The following SERTM1 variants were observed in gnomAD, a reference collection of about 807,000 sequenced individuals.
SERTM1 encodes the protein serine-rich and transmembrane domain-containing protein 1.
A neutral mutation model predicts 5.5 loss-of-function variants in SERTM1; 1 was observed. The observed-to-expected ratio is 0.18, with a 90% CI of 0.06 to 0.86. The LOEUF is 0.86. Among genes scored for constraint, SERTM1 ranks in the 40% least tolerant of loss-of-function variants. The pLI, the probability that SERTM1 is intolerant of heterozygous loss-of-function variation, is 0.69. For missense variants in SERTM1, 91 were observed against 122.4 expected, an observed-to-expected ratio of 0.74 and a Z score of 1.21; for synonymous variants, 52 against 55.1, an observed-to-expected ratio of 0.94 and a Z score of 0.25.
chr13:36,687,383 T>C (rs1029509610), intron 1 of SERTM1, among the ~76,000 whole-genome samples: 2 of 152,180 alleles, frequency 1.3e-5, no homozygotes, highest in African/African-American at 4.8e-5. Context: ...TAGATATAAA[T>C]AGTGACCTGT....
intron 1 of SERTM1, among the ~76,000 whole-genome samples, chr13:36,680,039 C>T (rs549858755): frequency 3.0e-4 from 46 of 152,162 alleles, no homozygotes; most frequent in African/African-American, 1.0e-3. Context: ...AGTCCCATCC[C>T]CAAGATATCT....
intron 1 of SERTM1, among the ~76,000 whole-genome samples, chr13:36,690,736 A>G (rs1035051349): frequency 2.6e-5 from 4 of 152,262 alleles, no homozygotes; most frequent in African/African-American, 9.6e-5. Context: ...GATCTAATAC[A>G]TCATCTAAAA....
At position 36,696,828 on chromosome 13, in the gene SERTM1, A is replaced by C. The variant is rs1044710272; in HGVS notation, c.*1426A>C. 1 of 167,124 alleles carries C rather than the reference A, an allele frequency of 6.0e-6. No homozygotes were observed. The highest frequency in any genetic ancestry group is 1.9e-4 in the East Asian group (1 of 5,204). 10.4% of individuals were successfully genotyped at this position (167,124 alleles called of 1,614,324 possible). A position where few individuals can be genotyped will look rare whatever the true frequency, so the allele number is the denominator to read the frequency against. On this transcript the variant is annotated 3_prime_UTR_variant, in exon 2 of 2. Coordinates refer to ENST00000315190, the MANE Select transcript of SERTM1 (RefSeq NM_203451.3). ...TGCATCAACACGCCACGGTCTTCCC[A>C]TGGCAACTGAATCATTCCTTGTTCA...
At chr13:36,693,392 TTC>T (rs1335878569) in intron 1 of SERTM1, among the ~76,000 whole-genome samples, 4 of 133,998 alleles carry the variant, frequency 3.0e-5, no homozygotes, top group Non-Finnish European at 3.3e-5. Flanking sequence ...CTTCTTCTTC[TTC>T]TTTTTTTTTT....
intron 1 of SERTM1, among the ~76,000 whole-genome samples, chr13:36,687,668 G>C (rs1481503265): frequency 6.6e-6 from 1 of 152,094 alleles, no homozygotes; most frequent in Non-Finnish European, 1.5e-5. Context: ...GATATTCTAA[G>C]TGGCAAAGAA....
intron 1 of SERTM1, among the ~76,000 whole-genome samples, chr13:36,692,612 A>G (rs2056786329): frequency 6.6e-6 from 1 of 152,154 alleles, no homozygotes; most frequent in South Asian, 2.1e-4. Flanking sequence ...GCCTTTTATG[A>G]TTTTCTAAGT....
At chr13:36,679,030 T>C (rs1335762959) in intron 1 of SERTM1, among the ~76,000 whole-genome samples, 1 of 152,170 alleles carries the variant, frequency 6.6e-6, no homozygotes, top group East Asian at 1.9e-4. Flanking sequence ...CTCAAAAGAA[T>C]TTTATTAGCA....
chr13:36,676,426 AAGTTTGTAC>A (rs2056670413), intron 1 of SERTM1, among the ~76,000 whole-genome samples: 1 of 151,716 alleles, frequency 6.6e-6, no homozygotes, highest in Admixed American at 6.6e-5. Context: ...TTTTTGTTTA[AAGTTTGTAC>A]AGTTTGTACG....
intron 1 of SERTM1, among the ~76,000 whole-genome samples, chr13:36,687,332 C>T (rs2056747861): frequency 6.6e-6 from 1 of 152,022 alleles, no homozygotes; most frequent in South Asian, 2.1e-4. Context: ...TATAAAGCAC[C>T]CTAGTTTAAA....
chr13:36,682,914 G>A (rs781582031), intron 1 of SERTM1, among the ~76,000 whole-genome samples: 65 of 151,896 alleles, frequency 4.3e-4, no homozygotes, highest in African/African-American at 1.5e-3. Context: ...TTTATTTGTT[G>A]AGATGGAGTC....
intron 1 of SERTM1, among the ~76,000 whole-genome samples, chr13:36,693,149 A>C (rs943552749): frequency 2.0e-5 from 3 of 152,162 alleles, no homozygotes; most frequent in Non-Finnish European, 4.4e-5. Context: ...TGTCAAATCA[A>C]TTAGCTTCTT....
At position 36,695,281 on chromosome 13, in the gene SERTM1, A is replaced by C; in HGVS notation, c.203A>C (p.Asn68Thr). The change falls in exon 2 of 2, where the codon AAT (asparagine) becomes ACT (threonine). Residue 68 changes from asparagine (N) to threonine (T), a missense_variant. Transcript: ENST00000315190. ...ATCATTGCCCTCCAGAGGCTCAAAAATATCATCTCCTCCAGTTCCTCCTAC... is the reference window on the plus strand; with the variant it reads ...ATCATTGCCCTCCAGAGGCTCAAAACTATCATCTCCTCCAGTTCCTCCTAC... ...LLIIALQRLK[N>T]IISSSSSYPE... 1 of 1,614,164 alleles carries C rather than the reference A, an allele frequency of 6.2e-7. No homozygotes were observed.
At chr13:36,677,999 A>T (rs915077793) in intron 1 of SERTM1, among the ~76,000 whole-genome samples, 4 of 152,230 alleles carry the variant, frequency 2.6e-5, no homozygotes, top group Admixed American at 6.5e-5. Flanking sequence ...AATGGTAGAA[A>T]TGAACCATTT....
At chr13:36,678,179 G>A (rs899327486) in intron 1 of SERTM1, among the ~76,000 whole-genome samples, 1 of 151,960 alleles carries the variant, frequency 6.6e-6, no homozygotes, top group Non-Finnish European at 1.5e-5. Flanking sequence ...TTTTTCTGAT[G>A]TCAATACACA....
intron 1 of SERTM1, among the ~76,000 whole-genome samples, chr13:36,685,008 G>A (rs73173338): frequency 0.11 from 16,440 of 152,088 alleles, 1,174 homozygotes; most frequent in Non-Finnish European, 0.16. Flanking sequence ...ATTGAAATAC[G>A]CTCTGGGAGA....
intron 1 of SERTM1, among the ~76,000 whole-genome samples, chr13:36,690,733 T>C (rs1949440): frequency 0.15 from 22,467 of 152,272 alleles, 1,788 homozygotes; most frequent in Non-Finnish European, 0.15. Flanking sequence ...AAAGATCTAA[T>C]ACATCATCTA....
Position 36,697,111 on chromosome 13 carries a change from A to C in SERTM1, c.*1709A>C, listed in dbSNP as rs2056819618. ...ATCAAAAACGTCCCCAAACACCATA[A>C]GACCAGCACAGAGTTGCTGCCCTAA... is the stretch of plus-strand genomic sequence containing the variant. On this transcript the variant is annotated 3_prime_UTR_variant, in exon 2 of 2. Transcript: ENST00000315190. 6.0e-6 allele frequency: 1 copy of C among 166,972 alleles called. No homozygotes were observed. Among genetic ancestry groups the C allele is most frequent in the Non-Finnish European group, 1.5e-5 (1 of 68,116 alleles). The allele number at this position is 166,972 out of a possible 1,614,324, so 10.3% of individuals were successfully genotyped here. A position where few individuals can be genotyped will look rare whatever the true frequency, so the allele number is the denominator to read the frequency against.
intron 1 of SERTM1, among the ~76,000 whole-genome samples, chr13:36,679,358 A>G (rs898371999): frequency 1.3e-5 from 2 of 152,146 alleles, no homozygotes; most frequent in Admixed American, 6.5e-5. Flanking sequence ...TTGAGATGCA[A>G]CTGTACTGCT....
At chr13:36,687,596 G>T (rs2056750190) in intron 1 of SERTM1, among the ~76,000 whole-genome samples, 1 of 151,958 alleles carries the variant, frequency 6.6e-6, no homozygotes, top group African/African-American at 2.4e-5. Flanking sequence ...CAAAAATAGA[G>T]AACTTGATAC....
Sources: gnomAD v4.1 joint callset for allele counts (sites outside exome capture counted in the v4.1 genomes callset) on GRCh38, gnomAD v4.1.1 for gene constraint, MANE v1.5 for transcripts, NCBI Gene and HGNC (gene_info 2026-07-23, HGNC 2026-07-21) for gene names.